CPNE4: variants seen among roughly 807,000 people sequenced by gnomAD.
CPNE4 encodes copine-4.
CPNE4 carries 25 observed loss-of-function variants against 67.9 expected under a neutral mutation model. That is an observed-to-expected ratio of 0.37 (90% confidence interval 0.27 to 0.51). CPNE4 has a LOEUF of 0.51. CPNE4 is among the 20% of genes least tolerant of loss of function. The pLI, the probability that CPNE4 is intolerant of heterozygous loss-of-function variation, is 0.93. For synonymous variants in CPNE4, 242 were observed against 244.9 expected, an observed-to-expected ratio of 0.99 and a Z score of 0.11; for missense variants, 464 against 690.8, an observed-to-expected ratio of 0.67 and a Z score of 3.68.
chr3:131,578,100 T>C (rs748706362), intron 9 of CPNE4, among the ~76,000 whole-genome samples: 3 of 152,120 alleles, frequency 2.0e-5, no homozygotes, highest in Non-Finnish European at 4.4e-5. Flanking sequence ...TTATTGAGCT[T>C]TATATTTTTT....
Position 131,669,736 on chromosome 3 carries a change from C to T in CPNE4, c.620G>A (p.Trp207Ter). 2 of 1,613,786 alleles carry T rather than the reference C, an allele frequency of 1.2e-6. No individual in the cohort carries two copies. Among genetic ancestry groups the T allele is most frequent in the East Asian group, 2.2e-5 (1 of 44,862 alleles). The change falls in exon 7 of 16, where the codon TGG (tryptophan) becomes TAG (stop). Residue 207 changes from tryptophan (W) to a stop codon, truncating the protein, a stop_gained. Transcript: ENST00000429747. LOFTEE classifies it high-confidence loss of function. ...ATTTACAGATACTTTGAATGATTTC[C>T]AGGCTGGGCTTAAGTTATTCATCAC... The part of the protein sequence containing the change: ...EVVMNNLSPA[W>*]KSFKVSVNSL...
chr3:131,648,726 A>G (rs925935037), intron 7 of CPNE4, among the ~76,000 whole-genome samples: 1 of 152,240 alleles, frequency 6.6e-6, no homozygotes, highest in African/African-American at 2.4e-5. Flanking sequence ...TACAGTAGAC[A>G]ATCTAAGATT....
intron 7 of CPNE4, among the ~76,000 whole-genome samples, chr3:131,629,391 C>T (rs2079162965): frequency 6.6e-6 from 1 of 151,228 alleles, no homozygotes; most frequent in South Asian, 2.1e-4. Flanking sequence ...GTATGTTCAT[C>T]TTTTTTTTTC....
intron 1 of CPNE4, among the ~76,000 whole-genome samples, chr3:131,999,536 G>T (rs2073375901): frequency 6.6e-6 from 1 of 152,040 alleles, no homozygotes; most frequent in Non-Finnish European, 1.5e-5. Context: ...CAGAAAGATT[G>T]TTGCAATATT....
intron 11 of CPNE4, among the ~76,000 whole-genome samples, chr3:131,558,980 C>T (rs752970447): frequency 3.6e-4 from 55 of 152,104 alleles, no homozygotes; most frequent in African/African-American, 1.2e-3. Flanking sequence ...TTCCCTTTCA[C>T]GTATCCTTCT....
At chr3:131,901,187 G>T (rs956416851) in intron 2 of CPNE4, among the ~76,000 whole-genome samples, 8 of 152,062 alleles carry the variant, frequency 5.3e-5, no homozygotes, top group African/African-American at 1.9e-4. Flanking sequence ...CTTGCCTTCT[G>T]ACTGTCTAAG....
intron 1 of CPNE4, among the ~76,000 whole-genome samples, chr3:132,003,141 T>A (rs972084015): frequency 6.6e-6 from 1 of 152,132 alleles, no homozygotes; most frequent in African/African-American, 2.4e-5. Context: ...TTGCTCATCA[T>A]TGGCAGATAT....
In CPNE4 at chr3:131,905,517, C is replaced by T. The variant is rs1583432858; in HGVS notation, c.-1-73G>A. 16 of 1,349,768 alleles carry T rather than the reference C, an allele frequency of 1.2e-5. No homozygotes were observed. In the East Asian group the frequency reaches 3.5e-4, roughly 30 times the overall value. 83.6% of individuals were successfully genotyped at this position (1,349,768 alleles called of 1,614,324 possible). On this transcript the variant is annotated intron_variant, in intron 1 of 15. Coordinates refer to ENST00000429747, the MANE Select transcript of CPNE4 (RefSeq NM_130808.3). ...ATATTTGTCAAAGGAGAAAGCCTCC[C>T]AATCACCCTTCAGAAAATTGTTTGA...
intron 1 of CPNE4, among the ~76,000 whole-genome samples, chr3:131,996,931 C>T (rs1387075481): frequency 6.6e-6 from 1 of 151,916 alleles, no homozygotes; most frequent in Non-Finnish European, 1.5e-5. Context: ...ATTATGAGGA[C>T]CTACATATCA....
chr3:131,810,081 G>A (rs1043380609), intron 2 of CPNE4, among the ~76,000 whole-genome samples: 12 of 152,040 alleles, frequency 7.9e-5, no homozygotes, highest in African/African-American at 2.9e-4. Flanking sequence ...CTTTAAATGT[G>A]AAACCTGGAA....
chr3:131,536,421 C>T (rs1935149268), intron 15 of CPNE4, among the ~76,000 whole-genome samples: 1 of 152,162 alleles, frequency 6.6e-6, no homozygotes, highest in Non-Finnish European at 1.5e-5. Context: ...GCCTGAGCCT[C>T]ATTATTAACT....
intron 1 of CPNE4, among the ~76,000 whole-genome samples, chr3:131,906,417 A>T (rs1416824851): frequency 1.5e-4 from 9 of 58,316 alleles, no homozygotes; most frequent in South Asian, 7.0e-4. Context: ...CCCCCACCCC[A>T]CAACAGTCCC....
chr3:131,777,569 C>G lies in CPNE4; in HGVS notation c.181-53944G>C, dbSNP rs72985858. Among the ~76,000 whole-genome samples the G allele has an allele frequency of 2.1e-3, 317 of 152,084 alleles. 1 individual carries two copies. The highest frequency in any genetic ancestry group is 6.8e-3 in the African/African-American group (282 of 41,532). On this transcript the variant is annotated intron_variant, in intron 2 of 15. Coordinates refer to ENST00000429747, the MANE Select transcript of CPNE4 (RefSeq NM_130808.3). ...GAGGATCCCAGGAGAAGACTAAGTG[C>G]CTTTCTAGGGAGCCCTGTTCATCAG...
intron 2 of CPNE4, among the ~76,000 whole-genome samples, chr3:131,753,353 A>G (rs971135881): frequency 3.9e-5 from 6 of 152,114 alleles, no homozygotes; most frequent in Admixed American, 2.0e-4. Flanking sequence ...CTACACATGT[A>G]TATGTTAGGG....
intron 2 of CPNE4, among the ~76,000 whole-genome samples, chr3:131,880,181 C>T (rs1191385285): frequency 1.3e-5 from 2 of 148,460 alleles, no homozygotes; most frequent in Non-Finnish European, 3.0e-5. Flanking sequence ...GGCTGCAGTG[C>T]AGTGGCTCAC....
chr3:131,787,602 A>G (rs752273363), intron 2 of CPNE4, among the ~76,000 whole-genome samples: 2 of 152,128 alleles, frequency 1.3e-5, no homozygotes, highest in African/African-American at 4.8e-5. Flanking sequence ...CTGGGCATCA[A>G]CTTTTCTTGA....
intron 1 of CPNE4, among the ~76,000 whole-genome samples, chr3:131,988,015 T>C (rs1399119220): frequency 6.6e-6 from 1 of 152,178 alleles, no homozygotes; most frequent in African/African-American, 2.4e-5. Context: ...GTGTGATACA[T>C]TTATTCATTA....
chr3:131,775,222 T>C (rs1272075301), intron 2 of CPNE4, among the ~76,000 whole-genome samples: 1 of 152,098 alleles, frequency 6.6e-6, no homozygotes, highest in African/African-American at 2.4e-5. Flanking sequence ...AGGAGAGAAG[T>C]GTCTGGGGCT....
intron 1 of CPNE4, among the ~76,000 whole-genome samples, chr3:131,937,915 G>C (rs1225032): frequency 0.98 from 149,679 of 152,232 alleles, 73,655 homozygotes; most frequent in Middle Eastern, 1. Context: ...AAAAAGTCAG[G>C]ATGCTTCCTT....
Sources: gnomAD v4.1 joint callset for allele counts (sites outside exome capture counted in the v4.1 genomes callset) on GRCh38, gnomAD v4.1.1 for gene constraint, MANE v1.5 for transcripts, NCBI Gene and HGNC (gene_info 2026-07-23, HGNC 2026-07-21) for gene names.